The following SEZ6L variants were observed in gnomAD, a reference collection of about 807,000 sequenced individuals.
The protein encoded by SEZ6L is seizure 6-like protein.
A neutral mutation model predicts 106.2 loss-of-function variants in SEZ6L; 37 were observed. That is an observed-to-expected ratio of 0.35 (90% confidence interval 0.27 to 0.46). The LOEUF (loss-of-function observed/expected upper bound fraction) is 0.46, where lower values mean the gene tolerates loss of function less well. SEZ6L is among the 20% of genes least tolerant of loss of function. The probability of loss-of-function intolerance (pLI) is 1.00; values close to 1 mark genes in which losing one functional copy is unlikely to be tolerated. For missense variants in SEZ6L, 1,172 were observed against 1,332.8 expected (o/e 0.88, Z 1.88); for synonymous variants, 541 against 570.4 (o/e 0.95, Z 0.73).
At chr22:26,189,668 T>A (rs1940040030) in intron 1 of SEZ6L, among the ~76,000 whole-genome samples, 1 of 152,230 alleles carries the variant, frequency 6.6e-6, no homozygotes, top group South Asian at 2.1e-4. Flanking sequence ...GCATAAGTTG[T>A]ACGCAAATAC....
At chr22:26,336,068 C>T (rs77269948) in intron 9 of SEZ6L, among the ~76,000 whole-genome samples, 2,587 of 152,234 alleles carry the variant, frequency 0.017, 79 homozygotes, top group African/African-American at 0.058. Flanking sequence ...ATAGCTGCAT[C>T]GATGTTAGTA....
chr22:26,228,222 G>A (rs948724875), intron 1 of SEZ6L, among the ~76,000 whole-genome samples: 4 of 152,142 alleles, frequency 2.6e-5, no homozygotes, highest in Non-Finnish European at 4.4e-5. Flanking sequence ...AAAAACAAAC[G>A]AGCTAGAAAA....
At chr22:26,276,730 G>A (rs1458332025) in intron 1 of SEZ6L, among the ~76,000 whole-genome samples, 1 of 152,170 alleles carries the variant, frequency 6.6e-6, no homozygotes, top group Non-Finnish European at 1.5e-5. Flanking sequence ...CTACCTGCAA[G>A]AATTCACAAA....
intron 12 of SEZ6L, among the ~76,000 whole-genome samples, chr22:26,355,561 C>T (rs2083412691): frequency 1.3e-5 from 2 of 152,248 alleles, no homozygotes; most frequent in Admixed American, 1.3e-4. Flanking sequence ...AAACCCCCGT[C>T]TCTACTAAAA....
chr22:26,312,955 T>A (rs1011451651), intron 8 of SEZ6L, among the ~76,000 whole-genome samples: 2 of 152,346 alleles, frequency 1.3e-5, no homozygotes, highest in East Asian at 3.9e-4. Context: ...CCCTCACTCC[T>A]GGCAGCCACC....
intron 1 of SEZ6L, among the ~76,000 whole-genome samples, chr22:26,224,573 A>T (rs1435381618): frequency 6.6e-6 from 1 of 152,204 alleles, no homozygotes; most frequent in Non-Finnish European, 1.5e-5. Context: ...CTTCAGAAAG[A>T]CAAAGTGGGA....
intron 1 of SEZ6L, among the ~76,000 whole-genome samples, chr22:26,170,655 G>T (rs1199633176): frequency 6.6e-6 from 1 of 152,118 alleles, no homozygotes; most frequent in Admixed American, 6.5e-5. Context: ...GATAGAGAGA[G>T]GGGTGCAACG....
intron 12 of SEZ6L, among the ~76,000 whole-genome samples, chr22:26,353,783 T>C (rs1420499518): frequency 1.4e-5 from 2 of 147,566 alleles, no homozygotes; most frequent in Admixed American, 6.7e-5. Context: ...CTAGCGTCTT[T>C]GACATCCTAA....
intron 1 of SEZ6L, among the ~76,000 whole-genome samples, chr22:26,284,818 T>A (rs137199): frequency 0.045 from 6,854 of 152,106 alleles, 497 homozygotes; most frequent in African/African-American, 0.16. Flanking sequence ...AGAGGAAAAG[T>A]GCACAGGAAA....
intron 1 of SEZ6L, among the ~76,000 whole-genome samples, chr22:26,233,322 C>T (rs4822692): frequency 0.84 from 127,136 of 152,156 alleles, 53,379 homozygotes; most frequent in East Asian, 1. Context: ...GGCGTGATCC[C>T]CCCTGGCACA....
intron 1 of SEZ6L, among the ~76,000 whole-genome samples, chr22:26,261,601 C>A (rs866582464): frequency 1.3e-5 from 2 of 152,134 alleles, no homozygotes; most frequent in Non-Finnish European, 2.9e-5. Context: ...TAGTCCCTAA[C>A]CTTGTGAAAT....
intron 10 of SEZ6L, among the ~76,000 whole-genome samples, chr22:26,346,328 C>T (rs2083006511): frequency 6.6e-6 from 1 of 152,192 alleles, no homozygotes; most frequent in Non-Finnish European, 1.5e-5. Flanking sequence ...AGGCATGAGC[C>T]ACTGTGCCCA....
At chr22:26,193,481 T>C (rs181874075) in intron 1 of SEZ6L, among the ~76,000 whole-genome samples, 20 of 152,312 alleles carry the variant, frequency 1.3e-4, no homozygotes, top group African/African-American at 4.6e-4. Flanking sequence ...GTGTGCCTTG[T>C]CCTAAAATAG....
chr22:26,246,253 G>C (rs2079338310), intron 1 of SEZ6L, among the ~76,000 whole-genome samples: 1 of 152,162 alleles, frequency 6.6e-6, no homozygotes, highest in Admixed American at 6.5e-5. Context: ...ACCCTTGTAA[G>C]ACACAGCCTC....
At chr22:26,247,210 T>G (rs2079386332) in intron 1 of SEZ6L, among the ~76,000 whole-genome samples, 1 of 152,084 alleles carries the variant, frequency 6.6e-6, no homozygotes, top group African/African-American at 2.4e-5. Flanking sequence ...AATGATGTTA[T>G]TAAGAAAATC....
Position 26,383,363 on chromosome 22 carries a change from A to T in SEZ6L, c.*3068A>T, listed in dbSNP as rs887580878. ...TCAGGCAAAAATGCCCTTCGAGTGA[A>T]TCCGAAGGGCATGATCTTCCTATGT... On this transcript the variant is annotated 3_prime_UTR_variant, in exon 17 of 17. Coordinates refer to ENST00000248933, the MANE Select transcript of SEZ6L (RefSeq NM_021115.5). 2.0e-5 allele frequency: 3 copies of T among 152,030 alleles called. No individual in the cohort carries two copies. The highest frequency in any genetic ancestry group is 4.8e-5 in the African/African-American group (2 of 41,414). 9.4% of individuals were successfully genotyped at this position (152,030 alleles called of 1,614,324 possible). A position where few individuals can be genotyped will look rare whatever the true frequency, so the allele number is the denominator to read the frequency against.
At chr22:26,346,891 A>T (rs903947201) in intron 10 of SEZ6L, among the ~76,000 whole-genome samples, 1 of 152,138 alleles carries the variant, frequency 6.6e-6, no homozygotes, top group Non-Finnish European at 1.5e-5. Flanking sequence ...GTTGGTAGGG[A>T]CTACACAAGA....
At chr22:26,376,520 T>A (rs2084229528) in intron 15 of SEZ6L, among the ~76,000 whole-genome samples, 1 of 152,062 alleles carries the variant, frequency 6.6e-6, no homozygotes, top group Admixed American at 6.6e-5. Context: ...CGCAGGTGAA[T>A]CACTTGAGGT....
intron 1 of SEZ6L, among the ~76,000 whole-genome samples, chr22:26,271,746 T>C (rs560882279): frequency 1.3e-5 from 2 of 152,364 alleles, no homozygotes; most frequent in East Asian, 3.9e-4. Flanking sequence ...GCTGGCACCA[T>C]GCTTTCTGTA....
Sources: allele counts gnomAD v4.1 joint callset (sites outside exome capture counted in the v4.1 genomes callset), GRCh38; gene constraint gnomAD v4.1.1; transcripts MANE v1.5; gene names NCBI Gene and HGNC (gene_info 2026-07-23, HGNC 2026-07-21).